TNFRSF19: variants seen among roughly 807,000 people sequenced by gnomAD.
TNFRSF19 encodes the protein TNF receptor superfamily member 19, also known as tumor necrosis factor receptor superfamily member 19.
In TNFRSF19, 27 loss-of-function variants were observed where a neutral mutation model predicts 46.4. The observed-to-expected ratio is 0.58, with a 90% CI of 0.43 to 0.80. The LOEUF is 0.80. TNFRSF19 is among the 30% of genes least tolerant of loss of function. The pLI is 0.00. For missense variants in TNFRSF19, 511 were observed against 530.8 expected (o/e 0.96, Z 0.37); for synonymous variants, 204 against 205.0 (o/e 1.00, Z 0.04).
At chr13:23,669,659 G>GA (rs1403951497) in intron 9 of TNFRSF19, 3 of 985,310 alleles carry the variant, frequency 3.0e-6, no homozygotes, top group African/African-American at 3.5e-5. Flanking sequence ...GACCCTCTCA[G>GA]GTGGAATGGT....
intron 5 of TNFRSF19, among the ~76,000 whole-genome samples, chr13:23,656,865 C>G (rs1324759822): frequency 6.6e-6 from 1 of 152,162 alleles, no homozygotes; most frequent in Admixed American, 6.5e-5. Flanking sequence ...TATGCATTTT[C>G]AGTGTTTGCA....
At chr13:23,626,134 A>G (rs1793912155) in intron 4 of TNFRSF19, among the ~76,000 whole-genome samples, 1 of 151,104 alleles carries the variant, frequency 6.6e-6, no homozygotes. Context: ...CCCGTTACCT[A>G]TTATTGATGA....
At chr13:23,642,953 C>T (rs9507128) in intron 5 of TNFRSF19, among the ~76,000 whole-genome samples, 39,581 of 152,122 alleles carry the variant, frequency 0.26, 5,567 homozygotes, top group Non-Finnish European at 0.32. Context: ...CAAATGCAGT[C>T]TTTTCATACG....
chr13:23,646,572 C>T (rs1044448908), intron 5 of TNFRSF19, among the ~76,000 whole-genome samples: 1 of 152,128 alleles, frequency 6.6e-6, no homozygotes, highest in African/African-American at 2.4e-5. Flanking sequence ...TTTCATTTAG[C>T]ATAATGTTTT....
At chr13:23,581,343 T>G (rs554144871) in intron 1 of TNFRSF19, among the ~76,000 whole-genome samples, 2 of 152,222 alleles carry the variant, frequency 1.3e-5, no homozygotes, top group African/African-American at 4.8e-5. Flanking sequence ...AGACAGGGTT[T>G]CACCGTGTTA....
intron 9 of TNFRSF19, among the ~76,000 whole-genome samples, chr13:23,671,507 GA>G (rs5802247): frequency 0.56 from 83,722 of 149,258 alleles, 23,347 homozygotes; most frequent in South Asian, 0.63. Context: ...CCAGATGCTG[GA>G]AAAAAAAAAA....
At chr13:23,654,307 A>C (rs1465686043) in intron 5 of TNFRSF19, among the ~76,000 whole-genome samples, 3 of 152,114 alleles carry the variant, frequency 2.0e-5, no homozygotes, top group Admixed American at 2.0e-4. Context: ...GCCTGTGCAC[A>C]TCCTTTCCCA....
chr13:23,576,106 A>G (rs1433816710), intron 1 of TNFRSF19, among the ~76,000 whole-genome samples: 3 of 150,202 alleles, frequency 2.0e-5, no homozygotes, highest in Non-Finnish European at 4.4e-5. Context: ...ATCCAGTTTC[A>G]TTTTGCATGA....
intron 3 of TNFRSF19, among the ~76,000 whole-genome samples, chr13:23,607,017 A>G (rs1880555193): frequency 6.6e-6 from 1 of 152,268 alleles, no homozygotes; most frequent in Non-Finnish European, 1.5e-5. Context: ...TTAACTGGCT[A>G]ATTTTCACTT....
intron 5 of TNFRSF19, among the ~76,000 whole-genome samples, chr13:23,631,722 A>G (rs2138307623): frequency 6.6e-6 from 1 of 152,342 alleles, no homozygotes; most frequent in Middle Eastern, 3.4e-3. Context: ...AAATCAATAC[A>G]GGTTTCCTTT....
rs141890871 is a variant in TNFRSF19 at position 23,668,887 on chromosome 13, G to A, written c.1035G>A (p.Thr345=). Residue 345 remains threonine (T), a synonymous_variant, in exon 9 of 10, where the codon ACG becomes ACA. Coordinates refer to ENST00000248484, the MANE Select transcript of TNFRSF19 (RefSeq NM_148957.4). ...TCAATCCAGAACTTGAAAGCTCAAC[G>A]TCTTTGGATTCAAATAGCAGTCAAG... ...HSLNPELESS[T]SLDSNSSQDL... The A allele has an allele frequency of 1.2e-4, 188 of 1,614,248 alleles. No individual in the cohort carries two copies. Among genetic ancestry groups the A allele is most frequent in the South Asian group, 9.4e-4 (86 of 91,088 alleles).
At chr13:23,662,830 T>A (rs1424428721) in intron 7 of TNFRSF19, among the ~76,000 whole-genome samples, 2 of 152,230 alleles carry the variant, frequency 1.3e-5, no homozygotes, top group African/African-American at 4.8e-5. Flanking sequence ...CCGTTGTTGG[T>A]GTAGAAGAAT....
chr13:23,571,486 A>C lies in TNFRSF19; in HGVS notation c.-35+638A>C, dbSNP rs371805462. Among the ~76,000 whole-genome samples the C allele has an allele frequency of 6.6e-5, 10 of 152,230 alleles. 1 individual carries two copies. The highest frequency in any genetic ancestry group is 4.6e-4 in the Admixed American group (7 of 15,286). ...CACTAAGTTTGGCTAAAAATACTCC[A>C]GTGATTTTCTATAACCTTTGGAAAT... On this transcript the variant is annotated intron_variant, in intron 1 of 9. Transcript: ENST00000248484.
At chr13:23,630,975 T>A (rs781046948) in intron 5 of TNFRSF19, among the ~76,000 whole-genome samples, 14 of 152,024 alleles carry the variant, frequency 9.2e-5, no homozygotes, top group Non-Finnish European at 1.8e-4. Context: ...TAAATCACTG[T>A]GTGAGAGAAA....
At chr13:23,626,210 T>TGTGTGTGTGG (rs1555274577) in intron 4 of TNFRSF19, among the ~76,000 whole-genome samples, 220 of 151,856 alleles carry the variant, frequency 1.4e-3, no homozygotes, top group African/African-American at 5.2e-3. Flanking sequence ...TGTGTGTGTG[T>TGTGTGTGTGG]GTGTGTGTGT....
At chr13:23,667,510 G>A (rs1438169627) in intron 7 of TNFRSF19, among the ~76,000 whole-genome samples, 4 of 152,162 alleles carry the variant, frequency 2.6e-5, no homozygotes, top group African/African-American at 7.2e-5. Flanking sequence ...GTCTCACTTC[G>A]TGGTCTCCCA....
At chr13:23,606,634 A>C (rs1880531938) in intron 3 of TNFRSF19, among the ~76,000 whole-genome samples, 1 of 152,252 alleles carries the variant, frequency 6.6e-6, no homozygotes, top group South Asian at 2.1e-4. Context: ...CTGGTAATAT[A>C]AAAATGAATG....
At chr13:23,664,992 T>C (rs1951597569) in intron 7 of TNFRSF19, among the ~76,000 whole-genome samples, 1 of 152,258 alleles carries the variant, frequency 6.6e-6, no homozygotes, top group Admixed American at 6.5e-5. Context: ...TATGGCTATA[T>C]GGAATAAGAA....
At chr13:23,619,249 C>T (rs1881500273) in intron 4 of TNFRSF19, among the ~76,000 whole-genome samples, 1 of 152,102 alleles carries the variant, frequency 6.6e-6, no homozygotes, top group Non-Finnish European at 1.5e-5. Context: ...GCCTAGAAAA[C>T]ATTATGCCAA....
Sources: gnomAD v4.1 joint callset for allele counts (sites outside exome capture counted in the v4.1 genomes callset) on GRCh38, gnomAD v4.1.1 for gene constraint, MANE v1.5 for transcripts, NCBI Gene and HGNC (gene_info 2026-07-23, HGNC 2026-07-21) for gene names.